GAS2: variants seen among roughly 807,000 people sequenced by gnomAD.
GAS2 encodes the protein growth arrest specific 2.
In GAS2, 20 loss-of-function variants were observed where a neutral mutation model predicts 37.5. That is an observed-to-expected ratio of 0.53 (90% CI 0.37 to 0.77). The LOEUF (loss-of-function observed/expected upper bound fraction) is 0.77. GAS2 is among the 30% of genes least tolerant of loss of function. GAS2 has a pLI of 0.00. For synonymous variants in GAS2, 144 were observed against 132.2 expected, an observed-to-expected ratio of 1.09 and a Z score of -0.61; for missense variants, 336 against 373.4, an observed-to-expected ratio of 0.90 and a Z score of 0.82.
At chr11:22,802,861 C>A (rs1856728700) in intron 7 of GAS2, among the ~76,000 whole-genome samples, 1 of 151,988 alleles carries the variant, frequency 6.6e-6, no homozygotes, top group African/African-American at 2.4e-5. Flanking sequence ...GTTTGGATAT[C>A]TTCAGATACA....
chr11:22,748,736 A>G (rs1385119843), intron 5 of GAS2, among the ~76,000 whole-genome samples: 1 of 152,048 alleles, frequency 6.6e-6, no homozygotes, highest in Non-Finnish European at 1.5e-5. Flanking sequence ...TTGTATTTCT[A>G]TTTTTAACAA....
At chr11:22,646,410 T>C (rs1415863779) in intron 1 of GAS2, among the ~76,000 whole-genome samples, 1 of 152,234 alleles carries the variant, frequency 6.6e-6, no homozygotes, top group African/African-American at 2.4e-5. Context: ...CTTTTTATGC[T>C]CTACAATTTA....
chr11:22,685,830 T>C, intron 3 of GAS2, 41 bp downstream of exon 3: 2 of 1,577,882 alleles, frequency 1.3e-6, no homozygotes, highest in African/African-American at 1.4e-5. Flanking sequence ...AGGTGGTAGA[T>C]TACATTTATA....
intron 7 of GAS2, among the ~76,000 whole-genome samples, chr11:22,789,333 AACACACAC>A (rs1157753522): frequency 2.3e-5 from 2 of 87,690 alleles, no homozygotes; most frequent in East Asian, 6.7e-4. Flanking sequence ...CACACACACA[AACACACAC>A]ACACACATAG....
chr11:22,745,830 A>G (rs1301509848), intron 5 of GAS2, among the ~76,000 whole-genome samples: 1 of 152,160 alleles, frequency 6.6e-6, no homozygotes, highest in Non-Finnish European at 1.5e-5. Flanking sequence ...CCCAAAACAT[A>G]CAAAAATATT....
chr11:22,736,911 CTT>C (rs1852786364), intron 4 of GAS2, among the ~76,000 whole-genome samples: 1 of 152,062 alleles, frequency 6.6e-6, no homozygotes, highest in Non-Finnish European at 1.5e-5. Flanking sequence ...ATAGTATGCT[CTT>C]TTACATGCTC....
At chr11:22,703,473 C>T (rs1168943099) in intron 3 of GAS2, among the ~76,000 whole-genome samples, 1 of 152,036 alleles carries the variant, frequency 6.6e-6, no homozygotes, top group Non-Finnish European at 1.5e-5. Flanking sequence ...GTCGTTGGAA[C>T]AAATCAATAA....
intron 1 of GAS2, among the ~76,000 whole-genome samples, chr11:22,637,212 T>C (rs1387753017): frequency 8.5e-6 from 1 of 118,250 alleles, no homozygotes; most frequent in Non-Finnish European, 1.6e-5. Flanking sequence ...ATATTACTTA[T>C]GTTAATAGTA....
In GAS2 at chr11:22,733,593, T is replaced by G. The variant is rs756779905; in HGVS notation, c.410-4112T>G. On this transcript the variant is annotated intron_variant, in intron 4 of 7. Coordinates refer to ENST00000454584, the MANE Select transcript of GAS2 (RefSeq NM_001143830.3). Reference sequence around the variant, plus strand: ...CTGTGACATTGAAATTCTACCCTCTTGCTTTAGTGGAAAGCCTCATTTTCT... The same window carrying G: ...CTGTGACATTGAAATTCTACCCTCTGGCTTTAGTGGAAAGCCTCATTTTCT... 1.6e-3 allele frequency among the ~76,000 whole-genome samples: 240 copies of G among 151,846 alleles called. 2 individuals are homozygous for G. Among genetic ancestry groups the G allele is most frequent in the Non-Finnish European group, 3.5e-4 (24 of 67,716 alleles).
chr11:22,680,786 T>C (rs2133918240), intron 2 of GAS2, among the ~76,000 whole-genome samples: 1 of 152,268 alleles, frequency 6.6e-6, no homozygotes, highest in African/African-American at 2.4e-5. Flanking sequence ...TGCACTGTCA[T>C]GGAAAATAGT....
At chr11:22,807,031 T>TCAAGGAAG (rs1856933878) in intron 7 of GAS2, among the ~76,000 whole-genome samples, 1 of 152,152 alleles carries the variant, frequency 6.6e-6, no homozygotes, top group South Asian at 2.1e-4. Context: ...AAATACAGCA[T>TCAAGGAAG]CAAGGAAGCA....
intron 7 of GAS2, among the ~76,000 whole-genome samples, chr11:22,783,039 G>A (rs1347593588): frequency 2.0e-5 from 3 of 152,066 alleles, no homozygotes; most frequent in Non-Finnish European, 4.4e-5. Context: ...CTTTACAGAG[G>A]CTGGACTAAT....
At chr11:22,698,354 C>A (rs560514074) in intron 3 of GAS2, among the ~76,000 whole-genome samples, 62 of 152,036 alleles carry the variant, frequency 4.1e-4, no homozygotes, top group Admixed American at 2.0e-4. Context: ...CAATAACAGG[C>A]TCTGAAATTG....
chr11:22,798,803 TTTCAACA>T (rs1856540429), intron 7 of GAS2, among the ~76,000 whole-genome samples: 2 of 152,004 alleles, frequency 1.3e-5, no homozygotes, highest in Admixed American at 1.3e-4. Flanking sequence ...AGAATCAAGC[TTTCAACA>T]TGGCAAACTA....
At chr11:22,704,416 A>G (rs1400784441) in intron 3 of GAS2, among the ~76,000 whole-genome samples, 2 of 151,568 alleles carry the variant, frequency 1.3e-5, no homozygotes, top group African/African-American at 4.8e-5. Context: ...TAAATCCTAT[A>G]GTTATAAAGT....
intron 1 of GAS2, among the ~76,000 whole-genome samples, chr11:22,660,749 T>C (rs938050786): frequency 3.0e-4 from 46 of 152,200 alleles, no homozygotes; most frequent in African/African-American, 1.1e-3. Context: ...CAAATGACTC[T>C]AGAGACTAAG....
intron 1 of GAS2, among the ~76,000 whole-genome samples, chr11:22,650,556 T>C (rs1224643241): frequency 1.4e-5 from 2 of 148,022 alleles, no homozygotes; most frequent in African/African-American, 2.5e-5. Flanking sequence ...GGAGTCTAAG[T>C]CTCTTTGTAG....
intron 3 of GAS2, among the ~76,000 whole-genome samples, chr11:22,711,175 C>T (rs1316851351): frequency 6.6e-6 from 1 of 152,096 alleles, no homozygotes; most frequent in African/African-American, 2.4e-5. Flanking sequence ...GAAAAGTCAC[C>T]CTCTAAACAC....
intron 1 of GAS2, among the ~76,000 whole-genome samples, chr11:22,641,318 A>ATATC (rs989463593): frequency 8.6e-6 from 1 of 116,610 alleles, no homozygotes; most frequent in African/African-American, 2.7e-5. Context: ...ATATATTTAT[A>ATATC]TATCTTTATA....
Sources: allele counts gnomAD v4.1 joint callset (sites outside exome capture counted in the v4.1 genomes callset), GRCh38; gene constraint gnomAD v4.1.1; transcripts MANE v1.5; gene names NCBI Gene and HGNC (gene_info 2026-07-23, HGNC 2026-07-21).